PCMTD1: variants seen among roughly 807,000 people sequenced by gnomAD.
The protein encoded by PCMTD1 is protein-L-isoaspartate O-methyltransferase domain-containing protein 1.
In PCMTD1, 12 loss-of-function variants were observed where a neutral mutation model predicts 37.6. That is an observed-to-expected ratio of 0.32 (90% CI 0.20 to 0.52). The LOEUF is 0.52. Ranked by LOEUF, PCMTD1 falls within the 20% of genes least tolerant of loss-of-function variation. The pLI is 0.97. For missense variants in PCMTD1, 235 were observed against 421.3 expected, an observed-to-expected ratio of 0.56 and a Z score of 3.87; for synonymous variants, 117 against 135.8, an observed-to-expected ratio of 0.86 and a Z score of 0.96.
At chr8:51,890,482 CAG>C (rs1480729658) in intron 1 of PCMTD1, among the ~76,000 whole-genome samples, 1 of 152,172 alleles carries the variant, frequency 6.6e-6, no homozygotes, top group Non-Finnish European at 1.5e-5. Flanking sequence ...CCGAGACTTA[CAG>C]GAGTAACAGG....
At chr8:51,852,071 CATAA>C (rs2038316554) in intron 2 of PCMTD1, among the ~76,000 whole-genome samples, 2 of 152,300 alleles carry the variant, frequency 1.3e-5, no homozygotes, top group South Asian at 4.2e-4. Context: ...GATAGATTCA[CATAA>C]ATACTCAATA....
intron 2 of PCMTD1, among the ~76,000 whole-genome samples, chr8:51,852,379 A>G (rs2038320930): frequency 6.6e-6 from 1 of 152,218 alleles, no homozygotes; most frequent in Non-Finnish European, 1.5e-5. Flanking sequence ...CCTGACCAAA[A>G]ATTATGTTAA....
At chr8:51,859,412 T>G (rs996726772) in intron 2 of PCMTD1, among the ~76,000 whole-genome samples, 5 of 152,166 alleles carry the variant, frequency 3.3e-5, no homozygotes, top group African/African-American at 9.7e-5. Context: ...GCGCCAAATT[T>G]AAATGTAAGC....
chr8:51,884,821 T>G (rs1485582017), intron 1 of PCMTD1, among the ~76,000 whole-genome samples: 1 of 152,148 alleles, frequency 6.6e-6, no homozygotes, highest in Non-Finnish European at 1.5e-5. Flanking sequence ...TCCATCAACT[T>G]CTCTGCCATC....
At chr8:51,843,141 T>C (rs946815643) in intron 3 of PCMTD1, among the ~76,000 whole-genome samples, 2 of 148,074 alleles carry the variant, frequency 1.4e-5, no homozygotes, top group Admixed American at 1.4e-4. Context: ...ATCATTTTTA[T>C]AATTTGTCAT....
chr8:51,856,320 CT>C (rs2038388774), intron 2 of PCMTD1, among the ~76,000 whole-genome samples: 1 of 152,136 alleles, frequency 6.6e-6, no homozygotes, highest in South Asian at 2.1e-4. Flanking sequence ...TGAAATACTA[CT>C]TTATATCCAC....
chr8:51,839,129 A>G lies in PCMTD1; in HGVS notation c.411-5440T>C, dbSNP rs763870336. ...AAATGTTCAAAACAAAATTTCCAAG[A>G]TAGAGATGACCCACACTCCTAAATT... On this transcript the variant is annotated intron_variant, in intron 3 of 5. Coordinates refer to ENST00000522514, the MANE Select transcript of PCMTD1 (RefSeq NM_052937.4). 7.2e-5 allele frequency among the ~76,000 whole-genome samples: 11 copies of G among 152,228 alleles called. No individual in the cohort carries two copies. In the East Asian group the frequency reaches 2.1e-3, roughly 29 times the overall value.
chr8:51,820,503 T>C lies in PCMTD1; in HGVS notation c.922A>G (p.Met308Val), dbSNP rs781439464. 1 of 1,613,392 alleles carries C rather than the reference T, an allele frequency of 6.2e-7. No homozygotes were observed. The highest frequency in any genetic ancestry group is 8.5e-7 in the Non-Finnish European group (1 of 1,179,506). ...TCCTCTTCTTTGTTATCCTCTTCCA[T>C]TTTTTCATCCTCTTCACTGTCTAGA... Reference protein sequence around the residue: ...QPLDSEEDEKMEEDNKEEEEK... With the variant: ...QPLDSEEDEKVEEDNKEEEEK... Residue 308 changes from methionine (M) to valine (V), a missense_variant, in exon 6 of 6, where the codon ATG becomes GTG. Physicochemically the swap from Met to Val is conservative, Grantham distance 21. Coordinates refer to ENST00000522514, the MANE Select transcript of PCMTD1 (RefSeq NM_052937.4).
rs558014533 is a variant in PCMTD1 at position 51,829,744 on chromosome 8, T to G, written c.706+1700A>C. Among the ~76,000 whole-genome samples, 7 of 152,236 alleles carry G rather than the reference T, an allele frequency of 4.6e-5. 1 individual carries two copies. The South Asian group carries it at 1.5e-3, about 32-fold the overall frequency. Reference sequence around the variant, plus strand: ...GAGATCGTGCCACTGCATTACGGCCTGGGTGACAGAATGAGACTCCATCGT... The same window carrying G: ...GAGATCGTGCCACTGCATTACGGCCGGGGTGACAGAATGAGACTCCATCGT... On this transcript the variant is annotated intron_variant, in intron 5 of 5. Transcript: ENST00000522514.
chr8:51,876,618 C>G (rs777047519), intron 1 of PCMTD1, among the ~76,000 whole-genome samples: 2 of 152,074 alleles, frequency 1.3e-5, no homozygotes, highest in African/African-American at 4.8e-5. Context: ...AAATATGAGT[C>G]TGAAACACCT....
At chr8:51,847,059 T>G (rs2038232581) in intron 2 of PCMTD1, among the ~76,000 whole-genome samples, 1 of 152,264 alleles carries the variant, frequency 6.6e-6, no homozygotes, top group African/African-American at 2.4e-5. Context: ...AACTTTTTGC[T>G]TGTTTCCTTC....
At chr8:51,862,266 T>C (rs919800115) in intron 1 of PCMTD1, among the ~76,000 whole-genome samples, 6 of 152,176 alleles carry the variant, frequency 3.9e-5, no homozygotes, top group East Asian at 1.9e-4. Flanking sequence ...TGTGTGCTGA[T>C]TGTTTTGTTT....
chr8:51,819,336 G>A lies in PCMTD1; in HGVS notation c.*1015C>T, dbSNP rs1267395864. The A allele has an allele frequency of 1.3e-5, 2 of 151,772 alleles. No homozygotes were observed. The highest frequency in any genetic ancestry group is 6.6e-5 in the Admixed American group (1 of 15,204). 9.4% of individuals were successfully genotyped at this position (151,772 alleles called of 1,614,324 possible). On this transcript the variant is annotated 3_prime_UTR_variant, in exon 6 of 6. Transcript: ENST00000522514. ...TAGATCAAAAGCAAATGTAGGCTCA[G>A]CCCTACCTTGTCAAAGATAAATATT... is the stretch of plus-strand genomic sequence containing the variant.
At chr8:51,897,728 G>T (rs1479862371) in intron 1 of PCMTD1, among the ~76,000 whole-genome samples, 1 of 152,000 alleles carries the variant, frequency 6.6e-6, no homozygotes, top group Non-Finnish European at 1.5e-5. Context: ...ACTGATTATT[G>T]AAAACTTGGC....
At chr8:51,853,085 C>T (rs552642599) in intron 2 of PCMTD1, among the ~76,000 whole-genome samples, 9 of 152,124 alleles carry the variant, frequency 5.9e-5, no homozygotes, top group Non-Finnish European at 1.2e-4. Flanking sequence ...TGAAGAAAGA[C>T]GAAAGATTCA....
chr8:51,858,447 T>G (rs888550707), intron 2 of PCMTD1, among the ~76,000 whole-genome samples: 1 of 152,138 alleles, frequency 6.6e-6, no homozygotes, highest in Non-Finnish European at 1.5e-5. Context: ...GGAGCCAAAT[T>G]TGATTCACTA....
intron 2 of PCMTD1, among the ~76,000 whole-genome samples, chr8:51,858,594 A>G (rs1271391503): frequency 6.6e-6 from 1 of 152,246 alleles, no homozygotes; most frequent in Non-Finnish European, 1.5e-5. Flanking sequence ...CAGGGTAAAG[A>G]TAAAGCTTCC....
At chr8:51,849,820 A>G (rs1490121826) in intron 2 of PCMTD1, 4 of 490,154 alleles carry the variant, frequency 8.2e-6, no homozygotes, top group Non-Finnish European at 1.1e-5. Flanking sequence ...TGCAATACCA[A>G]TATTTTTTAT....
At chr8:51,869,241 A>G (rs1422013867) in intron 1 of PCMTD1, among the ~76,000 whole-genome samples, 1 of 152,188 alleles carries the variant, frequency 6.6e-6, no homozygotes, top group Non-Finnish European at 1.5e-5. Context: ...AACACTAATA[A>G]AAACCCAGTG....
Sources: gnomAD v4.1 joint callset for allele counts (sites outside exome capture counted in the v4.1 genomes callset) on GRCh38, gnomAD v4.1.1 for gene constraint, MANE v1.5 for transcripts, NCBI Gene and HGNC (gene_info 2026-07-23, HGNC 2026-07-21) for gene names.